Variants in PIK3CD observed in about 807,000 individuals in gnomAD.
PIK3CD encodes phosphatidylinositol-4,5-bisphosphate 3-kinase catalytic subunit delta.
PIK3CD carries 20 observed loss-of-function variants against 122.9 expected under a neutral mutation model. The ratio of observed to expected loss-of-function variants is 0.16; its 90% CI spans 0.11 to 0.24. The LOEUF (loss-of-function observed/expected upper bound fraction) is 0.24. PIK3CD is among the 10% of genes least tolerant of loss of function. The pLI is 1.00. For missense variants in PIK3CD, 787 were observed against 1,406.3 expected, an observed-to-expected ratio of 0.56 and a Z score of 7.04; for synonymous variants, 596 against 593.4, an observed-to-expected ratio of 1.00 and a Z score of -0.06.
chr1:9,718,326 C>T lies in PIK3CD; in HGVS notation c.1021-368C>T, dbSNP rs539982205. On this transcript the variant is annotated intron_variant, in intron 8 of 23. Coordinates refer to ENST00000377346, the MANE Select transcript of PIK3CD (RefSeq NM_005026.5). The surrounding 1 kb of genome is among the most constrained non-coding windows in gnomAD (Gnocchi z 7.2). ...ACATCAGGTGGCAGGAAAAGTCCTT[C>T]CCCACCCACATGGGCTCATAGGAAT... 1.3e-5 allele frequency among the ~76,000 whole-genome samples: 2 copies of T among 152,208 alleles called. No individual in the cohort carries two copies. Among genetic ancestry groups the T allele is most frequent in the East Asian group, 3.9e-4 (2 of 5,174 alleles).
chr1:9,672,504 A>G (rs1200098780), intron 1 of PIK3CD: 2 of 152,008 alleles, frequency 1.3e-5, no homozygotes, highest in East Asian at 3.9e-4. Context: ...TCATAGCTCA[A>G]TGCAGCCTTG....
Position 9,722,331 on chromosome 1 carries a change from G to C in PIK3CD, c.2322G>C (p.Val774=). 1 of 1,612,964 alleles carries C rather than the reference G, an allele frequency of 6.2e-7. No individual in the cohort carries two copies. The highest frequency in any genetic ancestry group is 8.5e-7 in the Non-Finnish European group (1 of 1,179,682). Residue 774 remains valine, a synonymous_variant, in exon 18 of 24, where the codon GTG becomes GTC. Transcript: ENST00000377346. The surrounding 1 kb of genome is among the most constrained non-coding windows in gnomAD (Gnocchi z 7.6). The part of the protein sequence containing the change: ...SNEEAGSGGS[V]GIIFKNGDDL... ...AGGAGGCAGGCAGCGGCGGCAGCGT[G>C]GGCATCATCTTTAAGAACGGGGATG...
chr1:9,710,647 AG>A lies in PIK3CD; in HGVS notation c.141+52del. On this transcript the variant is annotated intron_variant, in intron 3 of 23. Coordinates refer to ENST00000377346, the MANE Select transcript of PIK3CD (RefSeq NM_005026.5). The surrounding 1 kb of genome is among the most constrained non-coding windows in gnomAD (Gnocchi z 4.7). ...CCTTGGTGCTCAGAGAGAGAGAGAG[AG>A]AGAGAGACACAGATAGACAGACAGA... The A allele has an allele frequency of 6.3e-7, 1 of 1,599,944 alleles. No individual in the cohort carries two copies. The highest frequency in any genetic ancestry group is 8.6e-7 in the Non-Finnish European group (1 of 1,167,906).
chr1:9,722,545 C>T lies in PIK3CD; in HGVS notation c.2365C>T (p.Leu789=). Reference sequence around the variant, plus strand: ...TGGCACAGACCTCCGGCAGGACATGCTGACCCTGCAGATGATCCAGCTCAT... The same window carrying T: ...TGGCACAGACCTCCGGCAGGACATGTTGACCCTGCAGATGATCCAGCTCAT... ...KNGDDLRQDM[L]TLQMIQLMDV... Residue 789 remains leucine (L), a synonymous_variant, in exon 19 of 24, where the codon CTG becomes TTG. Transcript: ENST00000377346. The surrounding 1 kb of genome is among the most constrained non-coding windows in gnomAD (Gnocchi z 7.6). The T allele has an allele frequency of 1.2e-6, 2 of 1,613,614 alleles. No individual in the cohort carries two copies. Among genetic ancestry groups the T allele is most frequent in the Non-Finnish European group, 1.7e-6 (2 of 1,179,922 alleles).
Position 9,727,032 on chromosome 1 carries a change from G to A in PIK3CD, c.3121G>A (p.Asp1041Asn). Residue 1041 changes from aspartate (D) to asparagine (N), a missense_variant, in exon 24 of 24, where the codon GAC becomes AAC. Physicochemically the swap from Asp to Asn is conservative, Grantham distance 23. Coordinates refer to ENST00000377346, the MANE Select transcript of PIK3CD (RefSeq NM_005026.5). ...VNWLAHNVSK[D>N]NRQ ...CTGGCTGGCCCACAACGTGTCCAAA[G>A]ACAACAGGCAGTAGTGGCTCCTCCC... 1 of 1,614,118 alleles carries A rather than the reference G, an allele frequency of 6.2e-7. No individual in the cohort carries two copies. The highest frequency in any genetic ancestry group is 8.5e-7 in the Non-Finnish European group (1 of 1,180,028).
rs756243835 is a variant in PIK3CD, at chr1:9,726,959, A to G, written c.3048A>G (p.Arg1016=). 9 of 1,613,798 alleles carry G rather than the reference A, an allele frequency of 5.6e-6. No homozygotes were observed. Among genetic ancestry groups the G allele is most frequent in the Non-Finnish European group, 2.5e-6 (3 of 1,179,908 alleles). ...AGGAGGAGGCACTGAAGCACTTCCG[A>G]GTGAAGTTTAACGAAGCCCTCCGTG... ...KTEEEALKHF[R]VKFNEALRES... The change falls in exon 24 of 24, where the codon CGA becomes CGG. Residue 1016 remains arginine (R), a synonymous_variant. Coordinates refer to ENST00000377346, the MANE Select transcript of PIK3CD (RefSeq NM_005026.5).
At chr1:9,675,891 G>A (rs901073814) in intron 1 of PIK3CD, among the ~76,000 whole-genome samples, 1 of 151,148 alleles carries the variant, frequency 6.6e-6, no homozygotes, top group African/African-American at 2.4e-5. Context: ...TCAGCCTCCT[G>A]AGCAGTTAGG....
intron 1 of PIK3CD, among the ~76,000 whole-genome samples, chr1:9,662,139 T>A (rs570251897): frequency 6.6e-6 from 1 of 151,982 alleles, no homozygotes; most frequent in African/African-American, 2.4e-5. Context: ...CACTCCAACC[T>A]GGGCGACAGA....
chr1:9,708,883 C>T lies in PIK3CD; in HGVS notation c.-32-1541C>T, dbSNP rs12088652. On this transcript the variant is annotated intron_variant, in intron 2 of 23. Coordinates refer to ENST00000377346, the MANE Select transcript of PIK3CD (RefSeq NM_005026.5). ...TGTATGGAAATGATAAACAACCAGA[C>T]TCCAGGTACTGCTAACCTGTAGTGG... is the stretch of plus-strand genomic sequence containing the variant. Among the ~76,000 whole-genome samples the T allele has an allele frequency of 8.3e-3, 1,260 of 152,124 alleles. 18 individuals are homozygous for T. The highest frequency in any genetic ancestry group is 0.028 in the African/African-American group (1,168 of 41,490).
intron 1 of PIK3CD, among the ~76,000 whole-genome samples, chr1:9,688,616 G>T (rs1646063665): frequency 6.6e-6 from 1 of 152,156 alleles, no homozygotes; most frequent in South Asian, 2.1e-4. Context: ...CTTGAGCCCA[G>T]GAGTTCGAGA....
At chr1:9,702,537 T>TTTTTTTTTTTTTTTTTTTTTTTTTTGG (rs1646683763) in intron 2 of PIK3CD, among the ~76,000 whole-genome samples, 1 of 127,016 alleles carries the variant, frequency 7.9e-6, no homozygotes, top group Non-Finnish European at 1.6e-5. Flanking sequence ...TTTTTTTTTT[T>TTTTTTTTTTTTTTTTTTTTTTTTTTGG]GAGGCAGAGT....
chr1:9,645,833 T>C, the PIK3CD span, among the ~76,000 whole-genome samples: 2 of 152,164 alleles, frequency 1.3e-5, no homozygotes, highest in African/African-American at 4.8e-5. Context: ...CGTGAACCCC[T>C]GACCTCAGGT....
chr1:9,701,247 C>T (rs1009154474), intron 2 of PIK3CD, among the ~76,000 whole-genome samples: 9 of 152,096 alleles, frequency 5.9e-5, no homozygotes, highest in African/African-American at 2.2e-4. Flanking sequence ...GCTGTAGTGG[C>T]CCGTTCTAGA....
chr1:9,645,419 G>A, the PIK3CD span, among the ~76,000 whole-genome samples: 1 of 151,918 alleles, frequency 6.6e-6, no homozygotes, highest in South Asian at 2.1e-4. Context: ...AGTGTATCAG[G>A]TTTTCAGGAA....
upstream of PIK3CD, among the ~76,000 whole-genome samples, chr1:9,648,418 T>C (rs924258803): frequency 9.8e-5 from 15 of 152,328 alleles, no homozygotes; most frequent in Middle Eastern, 3.4e-3. Context: ...ATCTGGCTGT[T>C]TCTTGAAACA....
chr1:9,715,524 G>T lies in PIK3CD; in HGVS notation c.142-17G>T. 6.2e-7 allele frequency: 1 copy of T among 1,608,598 alleles called. No individual in the cohort carries two copies. Among genetic ancestry groups the T allele is most frequent in the South Asian group, 1.1e-5 (1 of 90,828 alleles). On this transcript the variant is annotated splice_polypyrimidine_tract_variant and intron_variant, in intron 3 of 23. Transcript: ENST00000377346. The surrounding 1 kb of genome is among the most constrained non-coding windows in gnomAD (Gnocchi z 4.1). ...GCTGCCTTGGGTGGAGGGGCTGACC[G>T]GTGACTGTCCCTCCAGCTGCTGTGG...
Position 9,728,528 on chromosome 1 carries a change from G to A in PIK3CD, c.*1482G>A, listed in dbSNP as rs991672644. On this transcript the variant is annotated 3_prime_UTR_variant, in exon 24 of 24. Coordinates refer to ENST00000377346, the MANE Select transcript of PIK3CD (RefSeq NM_005026.5). ...AGCCAGAAGTAGCCGCCCGCTCAGC[G>A]GCTCAGGTGCCAGCTCTGTTCTGAT... The A allele has an allele frequency of 6.6e-6, 1 of 152,264 alleles. No individual in the cohort carries two copies. Among genetic ancestry groups the A allele is most frequent in the Non-Finnish European group, 1.5e-5 (1 of 68,056 alleles). The allele number at this position is 152,264 out of a possible 1,614,324, so 9.4% of individuals were successfully genotyped here.
chr1:9,722,595 G>A lies in PIK3CD; in HGVS notation c.2415G>A (p.Gly805=). Residue 805 remains glycine (G), a synonymous_variant, in exon 19 of 24, where the codon GGG becomes GGA. Coordinates refer to ENST00000377346, the MANE Select transcript of PIK3CD (RefSeq NM_005026.5). This position sits in a 1 kb window ranked among gnomAD's most constrained non-coding sequence, Gnocchi z 7.6. The part of the protein sequence containing the change: ...QLMDVLWKQE[G]LDLRMTPYGC... ...TGGACGTCCTGTGGAAGCAGGAGGG[G>A]CTGGACCTGAGGTGAGGACCCCCAC... The A allele has an allele frequency of 6.2e-7, 1 of 1,613,532 alleles. No individual in the cohort carries two copies. The highest frequency in any genetic ancestry group is 1.1e-5 in the South Asian group (1 of 91,072).
chr1:9,629,225 T>C, the PIK3CD span, among the ~76,000 whole-genome samples: 1 of 152,020 alleles, frequency 6.6e-6, no homozygotes, highest in Non-Finnish European at 1.5e-5. Context: ...CACACCTACC[T>C]GAGTTTGTGT....
Sources: allele counts gnomAD v4.1 joint callset (sites outside exome capture counted in the v4.1 genomes callset), GRCh38; gene constraint gnomAD v4.1.1; non-coding constraint Gnocchi (gnomAD v3.1); transcripts MANE v1.5; gene names NCBI Gene and HGNC (gene_info 2026-07-23, HGNC 2026-07-21).